IL1RAPL2: variants seen among roughly 807,000 people sequenced by gnomAD.
IL1RAPL2 encodes interleukin 1 receptor accessory protein like 2.
A neutral mutation model predicts 44.1 loss-of-function variants in IL1RAPL2; 3 were observed. That is an observed-to-expected ratio of 0.07 (90% CI 0.03 to 0.18). The LOEUF is 0.18. Ranked by LOEUF, IL1RAPL2 falls within the 10% of genes least tolerant of loss-of-function variation. The probability of loss-of-function intolerance (pLI) is 1.00; values close to 1 mark genes in which losing one functional copy is unlikely to be tolerated. For synonymous variants in IL1RAPL2, 181 were observed against 178.8 expected, an observed-to-expected ratio of 1.01 and a Z score of -0.10; for missense variants, 391 against 496.4, an observed-to-expected ratio of 0.79 and a Z score of 2.02.
At chrX:105,026,148 G>A (rs1003573940) in intron 2 of IL1RAPL2, among the ~76,000 whole-genome samples, 11 of 111,113 alleles carry the variant, frequency 9.9e-5, no homozygotes, top group African/African-American at 3.6e-4. Flanking sequence ...ATGTCTACTA[G>A]TTGTTACCTG....
Position 104,797,187 on chromosome X carries a change from C to G in IL1RAPL2, c.82+138192C>G, listed in dbSNP as rs1205654178. Reference sequence around the variant, plus strand: ...CCTAAGTTGTAATGATCTCTTCAGCCCCCCCCCCCCCCCCGCAAAGTAATG... The same window carrying G: ...CCTAAGTTGTAATGATCTCTTCAGCGCCCCCCCCCCCCCCGCAAAGTAATG... On this transcript the variant is annotated intron_variant, in intron 2 of 10. Transcript: ENST00000372582. Among the ~76,000 whole-genome samples the G allele has an allele frequency of 2.7e-4, 5 of 18,209 alleles. 1 individual carries two copies. The highest frequency in any genetic ancestry group is 2.0e-3 in the East Asian group (1 of 497). 15.8% of individuals were successfully genotyped at this position (18,209 alleles called of 115,157 possible).
intron 5 of IL1RAPL2, among the ~76,000 whole-genome samples, chrX:105,402,853 A>G (rs1878022287): frequency 1.8e-5 from 2 of 112,047 alleles, no homozygotes; most frequent in African/African-American, 6.5e-5. Context: ...TCTAAATCCC[A>G]CTGTAATTCT....
chrX:105,243,599 A>C, intron 4 of IL1RAPL2, among the ~76,000 whole-genome samples: 1 of 90,649 alleles, frequency 1.1e-5, no homozygotes, highest in Admixed American at 1.1e-4. Flanking sequence ...ATATATATAT[A>C]TATATATTTT....
intron 2 of IL1RAPL2, among the ~76,000 whole-genome samples, chrX:104,978,594 A>G (rs2030379998): frequency 8.9e-6 from 1 of 111,892 alleles, no homozygotes; most frequent in Non-Finnish European, 1.9e-5. Context: ...GATGAAAGAA[A>G]GAAGATATGT....
At chrX:105,074,011 G>A (rs1358592035) in intron 2 of IL1RAPL2, among the ~76,000 whole-genome samples, 5 of 111,154 alleles carry the variant, frequency 4.5e-5, no homozygotes, top group Admixed American at 1.9e-4. Context: ...CTCTGATGGT[G>A]GTTTCTTTTG....
chrX:104,821,140 C>T (rs1200791132), intron 2 of IL1RAPL2, among the ~76,000 whole-genome samples: 2 of 112,150 alleles, frequency 1.8e-5, no homozygotes, highest in Non-Finnish European at 3.8e-5. Flanking sequence ...ATTAATATGA[C>T]AACTTGTAAA....
chrX:104,948,741 A>G (rs1203972286), intron 2 of IL1RAPL2, among the ~76,000 whole-genome samples: 8 of 110,081 alleles, frequency 7.3e-5, no homozygotes, highest in Non-Finnish European at 1.1e-4. Context: ...TGTATGTTGA[A>G]CCAGCCTTGC....
At chrX:105,104,552 G>A (rs2032713888) in intron 2 of IL1RAPL2, among the ~76,000 whole-genome samples, 1 of 112,140 alleles carries the variant, frequency 8.9e-6, no homozygotes, top group Non-Finnish European at 1.9e-5. Context: ...AGCAGTCAGG[G>A]CACAGAAAGA....
At chrX:105,406,134 T>A in intron 5 of IL1RAPL2, 4 of 1,180,109 alleles carry the variant, frequency 3.4e-6, no homozygotes, top group Non-Finnish European at 4.6e-6. Context: ...TTGACTTAAA[T>A]GTGTTTGTTT....
intron 5 of IL1RAPL2, among the ~76,000 whole-genome samples, chrX:105,393,014 G>T (rs1602391789): frequency 8.9e-6 from 1 of 112,529 alleles, no homozygotes; most frequent in Non-Finnish European, 1.9e-5. Flanking sequence ...AGTTCTTTCT[G>T]CCTGCTGCAC....
intron 10 of IL1RAPL2, among the ~76,000 whole-genome samples, chrX:105,760,764 T>C (rs899911449): frequency 5.3e-5 from 6 of 112,150 alleles, no homozygotes; most frequent in African/African-American, 1.9e-4. Flanking sequence ...CCTCATACTA[T>C]AGAGAACAAA....
intron 2 of IL1RAPL2, among the ~76,000 whole-genome samples, chrX:105,017,890 G>A (rs763549844): frequency 8.9e-6 from 1 of 112,091 alleles, no homozygotes; most frequent in East Asian, 2.8e-4. Flanking sequence ...GCTGACACCA[G>A]TGCATTGCAC....
rs1287624638 is a variant in IL1RAPL2, at chrX:105,013,404, G to A, written c.83-182071G>A. On this transcript the variant is annotated intron_variant, in intron 2 of 10. Transcript: ENST00000372582. ...CAGATATCCTGATACTGTTCCACAA[G>A]TACTAGAGAGGGATGTAGAGGAACT... Among the ~76,000 whole-genome samples, 12 of 110,703 alleles carry A rather than the reference G, an allele frequency of 1.1e-4. No homozygotes were observed. The Admixed American group carries it at 1.2e-3, about 11-fold the overall frequency.
intron 2 of IL1RAPL2, among the ~76,000 whole-genome samples, chrX:105,078,281 A>G (rs1013035668): frequency 3.6e-5 from 4 of 111,210 alleles, no homozygotes; most frequent in African/African-American, 1.3e-4. Flanking sequence ...GGTGTGTTGG[A>G]GTTTACTGGA....
intron 1 of IL1RAPL2, among the ~76,000 whole-genome samples, chrX:104,636,450 A>G (rs1438752402): frequency 8.9e-6 from 1 of 112,371 alleles, no homozygotes; most frequent in Non-Finnish European, 1.9e-5. Flanking sequence ...GGTGGAGTCT[A>G]CAGATGCAGG....
intron 1 of IL1RAPL2, among the ~76,000 whole-genome samples, chrX:104,644,428 A>T (rs1243909934): frequency 1.8e-5 from 2 of 111,502 alleles, no homozygotes; most frequent in African/African-American, 6.5e-5. Flanking sequence ...GCAACTCCCC[A>T]CCATAAAACA....
At chrX:105,212,277 G>A (rs1221711793) in intron 3 of IL1RAPL2, among the ~76,000 whole-genome samples, 2 of 112,016 alleles carry the variant, frequency 1.8e-5, no homozygotes, top group Non-Finnish European at 3.8e-5. Context: ...AGCTTTGTTG[G>A]CGGAGTGGTG....
At position 105,348,177 on chromosome X, in the gene IL1RAPL2, A is replaced by G. The variant is rs2035125306; in HGVS notation, c.697+80636A>G. On this transcript the variant is annotated intron_variant, in intron 5 of 10. Coordinates refer to ENST00000372582, the MANE Select transcript of IL1RAPL2 (RefSeq NM_017416.2). ...TGGGCCTTAATATATCTCTGAACTA[A>G]CAACTTACTGTTTTTTGCTTTGAGC... Among the ~76,000 whole-genome samples, 4 of 111,807 alleles carry G rather than the reference A, an allele frequency of 3.6e-5. No individual in the cohort carries two copies. The South Asian group carries it at 1.5e-3, about 42-fold the overall frequency.
At chrX:104,907,696 A>T (rs1924064564) in intron 2 of IL1RAPL2, among the ~76,000 whole-genome samples, 1 of 110,211 alleles carries the variant, frequency 9.1e-6, no homozygotes, top group Admixed American at 9.7e-5. Context: ...GTTCTTTTAC[A>T]TTTGCTGAGG....
Sources: allele counts gnomAD v4.1 joint callset (sites outside exome capture counted in the v4.1 genomes callset), GRCh38; gene constraint gnomAD v4.1.1; transcripts MANE v1.5; gene names NCBI Gene and HGNC (gene_info 2026-07-23, HGNC 2026-07-21).